NPAS3: variants seen among roughly 807,000 people sequenced by gnomAD.
NPAS3 encodes the protein neuronal PAS domain-containing protein 3.
In NPAS3, 14 loss-of-function variants were observed where a neutral mutation model predicts 73.1. That is an observed-to-expected ratio of 0.19 (90% confidence interval 0.13 to 0.30). The LOEUF (loss-of-function observed/expected upper bound fraction) is 0.30. NPAS3 is among the 10% of genes least tolerant of loss of function. The probability of loss-of-function intolerance (pLI) is 1.00; values close to 1 mark genes in which losing one functional copy is unlikely to be tolerated. For synonymous variants in NPAS3, 620 were observed against 541.5 expected (o/e 1.14, Z -2.01); for missense variants, 1,096 against 1,250.0 (o/e 0.88, Z 1.86).
chr14:33,400,377 T>C (rs771795362), intron 4 of NPAS3, among the ~76,000 whole-genome samples: 3 of 152,134 alleles, frequency 2.0e-5, no homozygotes, highest in Non-Finnish European at 1.5e-5. Flanking sequence ...CTTGTCCTCA[T>C]GGAAAATTTA....
chr14:33,329,245 C>T (rs1436313943), intron 3 of NPAS3, among the ~76,000 whole-genome samples: 1 of 152,168 alleles, frequency 6.6e-6, no homozygotes, highest in Non-Finnish European at 1.5e-5. Flanking sequence ...CCTGCCTCTC[C>T]CTGCTCCCTG....
At chr14:33,316,025 C>G (rs2043195276) in intron 3 of NPAS3, among the ~76,000 whole-genome samples, 1 of 151,968 alleles carries the variant, frequency 6.6e-6, no homozygotes, top group African/African-American at 2.4e-5. Flanking sequence ...ATTGTAACTT[C>G]CTTTTGCAGT....
At chr14:33,408,725 G>A (rs764683048) in intron 4 of NPAS3, among the ~76,000 whole-genome samples, 26 of 152,118 alleles carry the variant, frequency 1.7e-4, no homozygotes, top group Non-Finnish European at 3.1e-4. Context: ...AGTGTCTTTT[G>A]TGAAGGAAGA....
intron 5 of NPAS3, among the ~76,000 whole-genome samples, chr14:33,642,632 A>G (rs895450670): frequency 2.6e-5 from 4 of 152,140 alleles, no homozygotes; most frequent in African/African-American, 9.7e-5. Flanking sequence ...AATAAATGCA[A>G]TTTTAGACTT....
intron 3 of NPAS3, among the ~76,000 whole-genome samples, chr14:33,296,205 G>A (rs1037784222): frequency 2.6e-5 from 4 of 152,130 alleles, no homozygotes; most frequent in Non-Finnish European, 4.4e-5. Context: ...AATATTCCTG[G>A]AAAGTTAAAT....
At position 33,778,542 on chromosome 14, in the gene NPAS3, G is replaced by C. The variant is rs1324942378; in HGVS notation, c.1123G>C (p.Val375Leu). Residue 375 changes from valine (V) to leucine (L), a missense_variant, in exon 9 of 12, where the codon GTG (valine) becomes CTG (leucine). By Grantham distance (32) the Val-to-Leu change is conservative (BLOSUM62 1). Around this residue, in one of 5 missense-constraint regions of NPAS3, gnomAD observed 114 missense variants for 220.3 expected, o/e 0.52. Coordinates refer to ENST00000356141, the Ensembl canonical transcript of NPAS3. ...CTACCACTTCATCCATGCTGAAGACGTGGAGGGCATCAGGCACAGTCACTT... is the reference window on the plus strand; with the variant it reads ...CTACCACTTCATCCATGCTGAAGACCTGGAGGGCATCAGGCACAGTCACTT... 2 of 1,613,624 alleles carry C rather than the reference G, an allele frequency of 1.2e-6. No individual in the cohort carries two copies. The highest frequency in any genetic ancestry group is 1.7e-5 in the Admixed American group (1 of 60,002).
At chr14:33,799,031 G>A (rs921713800) in intron 11 of NPAS3, among the ~76,000 whole-genome samples, 3 of 151,270 alleles carry the variant, frequency 2.0e-5, no homozygotes, top group Non-Finnish European at 2.9e-5. Context: ...TCTGGTCTTA[G>A]CCACTCGGGA....
chr14:33,737,600 G>A (rs1264280078), intron 7 of NPAS3, among the ~76,000 whole-genome samples: 2 of 152,116 alleles, frequency 1.3e-5, no homozygotes, highest in African/African-American at 4.8e-5. Context: ...TCCCCAGTAA[G>A]ATGAATCATC....
At chr14:33,598,209 T>C (rs2139983925) in intron 5 of NPAS3, among the ~76,000 whole-genome samples, 1 of 152,320 alleles carries the variant, frequency 6.6e-6, no homozygotes, top group South Asian at 2.1e-4. Context: ...CCCAGACCCA[T>C]TTCCTAATCC....
chr14:33,794,836 G>A (rs1008274549), intron 10 of NPAS3, among the ~76,000 whole-genome samples: 13 of 152,082 alleles, frequency 8.5e-5, no homozygotes, highest in African/African-American at 3.1e-4. Flanking sequence ...GAGTTTGGGG[G>A]CAGGCTTTCT....
chr14:33,800,556 C>G lies in NPAS3; in HGVS notation c.2249C>G (p.Pro750Arg). ...GTCGCCTCCGACCCGCTGTCACCCC[C>G]GCTCTCGGCGTCCCCGCGGGACAAG... The change falls in exon 12 of 12, where the codon CCG becomes CGG. Residue 750 changes from proline (P) to arginine (R), a missense_variant. Physicochemically the swap from Pro to Arg is moderately radical, Grantham distance 103. Around this residue, in one of 5 missense-constraint regions of NPAS3, gnomAD observed 698 missense variants for 676.7 expected, o/e 1.03. Coordinates refer to ENST00000356141, the Ensembl canonical transcript of NPAS3. This position sits in a 1 kb window ranked among gnomAD's most constrained non-coding sequence, Gnocchi z 6.5. 7.5e-7 allele frequency: 1 copy of G among 1,327,340 alleles called. No individual in the cohort carries two copies. The highest frequency in any genetic ancestry group is 4.2e-5 in the Admixed American group (1 of 24,090). 82.2% of individuals were successfully genotyped at this position (1,327,340 alleles called of 1,614,324 possible).
chr14:33,284,971 G>C (rs1433546912), intron 3 of NPAS3, among the ~76,000 whole-genome samples: 2 of 152,272 alleles, frequency 1.3e-5, no homozygotes, highest in East Asian at 1.9e-4. Flanking sequence ...CACTATGCTA[G>C]TGTGCACTTT....
chr14:33,472,777 A>G (rs2050843181), intron 4 of NPAS3, among the ~76,000 whole-genome samples: 1 of 150,066 alleles, frequency 6.7e-6, no homozygotes, highest in Non-Finnish European at 1.5e-5. Flanking sequence ...CTATGCGTGT[A>G]TATGGGGTGG....
intron 4 of NPAS3, among the ~76,000 whole-genome samples, chr14:33,421,723 C>A (rs539469440): frequency 6.6e-6 from 1 of 151,980 alleles, no homozygotes; most frequent in East Asian, 1.9e-4. Flanking sequence ...ATTGGGTAGA[C>A]AAGTTGTATT....
At chr14:33,428,162 T>C (rs984662950) in intron 4 of NPAS3, among the ~76,000 whole-genome samples, 1 of 152,082 alleles carries the variant, frequency 6.6e-6, no homozygotes, top group Non-Finnish European at 1.5e-5. Flanking sequence ...AGAGAACTGA[T>C]CTAGTGCATG....
chr14:33,774,444 C>T (rs1188067351), exon 8 of NPAS3: 1 of 1,614,190 alleles, frequency 6.2e-7, no homozygotes, highest in Admixed American at 1.7e-5. Flanking sequence ...CCTTGCCTCC[C>T]CCTACGATCA....
At chr14:33,230,980 C>A (rs1462288049) in intron 3 of NPAS3, among the ~76,000 whole-genome samples, 5 of 152,172 alleles carry the variant, frequency 3.3e-5, no homozygotes, top group Non-Finnish European at 1.5e-5. Flanking sequence ...TTCACTCTAC[C>A]AATGCAGATA....
intron 1 of NPAS3, among the ~76,000 whole-genome samples, chr14:32,940,776 A>G (rs1479685612): frequency 1.3e-5 from 2 of 152,236 alleles, no homozygotes; most frequent in Non-Finnish European, 2.9e-5. Context: ...CATTCATTTA[A>G]AAGGCTTCTA....
intron 3 of NPAS3, among the ~76,000 whole-genome samples, chr14:33,225,671 G>GT (rs1204932770): frequency 2.0e-5 from 3 of 152,058 alleles, no homozygotes; most frequent in Admixed American, 6.6e-5. Flanking sequence ...ATTCTTAAGA[G>GT]TTTTTTTCAA....
Sources: allele counts gnomAD v4.1 joint callset (sites outside exome capture counted in the v4.1 genomes callset), GRCh38; gene constraint gnomAD v4.1.1; regional missense constraint gnomAD v4.1.1; non-coding constraint Gnocchi (gnomAD v3.1); transcripts MANE v1.5; gene names NCBI Gene and HGNC (gene_info 2026-07-23, HGNC 2026-07-21).